The following EPB41L4A variants were observed in gnomAD, a reference collection of about 807,000 sequenced individuals.
EPB41L4A encodes band 4.1-like protein 4A.
EPB41L4A carries 100 observed loss-of-function variants against 108.6 expected under a neutral mutation model. The observed-to-expected ratio is 0.92, with a 90% CI of 0.78 to 1.09. The LOEUF (loss-of-function observed/expected upper bound fraction) is 1.09, where lower values mean the gene tolerates loss of function less well. Among genes scored for constraint, EPB41L4A ranks in the 50% least tolerant of loss-of-function variants. The pLI, the probability that EPB41L4A is intolerant of heterozygous loss-of-function variation, is 0.00. For synonymous variants in EPB41L4A, 319 were observed against 289.0 expected (o/e 1.10, Z -1.05); for missense variants, 1,030 against 842.7 (o/e 1.22, Z -2.75).
intron 1 of EPB41L4A, among the ~76,000 whole-genome samples, chr5:112,315,533 G>C (rs904049988): frequency 2.0e-5 from 3 of 152,122 alleles, no homozygotes; most frequent in African/African-American, 4.8e-5. Context: ...TAAAGAAAAA[G>C]CTGACCAGAT....
intron 13 of EPB41L4A, among the ~76,000 whole-genome samples, chr5:112,208,808 A>G (rs1357950845): frequency 6.6e-6 from 1 of 152,190 alleles, no homozygotes; most frequent in Non-Finnish European, 1.5e-5. Context: ...AATCTCATGG[A>G]AGATTCCTGT....
chr5:112,296,105 TC>T (rs2150550240), intron 2 of EPB41L4A, among the ~76,000 whole-genome samples: 1 of 152,280 alleles, frequency 6.6e-6, no homozygotes, highest in African/African-American at 2.4e-5. Flanking sequence ...TTGGAGACTT[TC>T]CATAAGCCAA....
At chr5:112,406,147 T>A (rs1186807452) in intron 1 of EPB41L4A, among the ~76,000 whole-genome samples, 1 of 152,176 alleles carries the variant, frequency 6.6e-6, no homozygotes, top group Non-Finnish European at 1.5e-5. Flanking sequence ...TTGCACATCC[T>A]CCAAGCGCCC....
At chr5:112,277,816 T>C (rs1376983507) in intron 3 of EPB41L4A, among the ~76,000 whole-genome samples, 1 of 152,210 alleles carries the variant, frequency 6.6e-6, no homozygotes, top group African/African-American at 2.4e-5. Context: ...GGCTCCCTAT[T>C]CTAAGACTGA....
chr5:112,172,923 G>C (rs779682503), intron 18 of EPB41L4A, among the ~76,000 whole-genome samples: 32 of 152,304 alleles, frequency 2.1e-4, no homozygotes, highest in Non-Finnish European at 4.0e-4. Flanking sequence ...GCTGCAGGAG[G>C]CTGTCCTGTG....
chr5:112,404,409 G>T (rs1761961394), intron 1 of EPB41L4A, among the ~76,000 whole-genome samples: 1 of 152,130 alleles, frequency 6.6e-6, no homozygotes, highest in Admixed American at 6.5e-5. Context: ...ACAAGATAAT[G>T]ATTTTTAAAA....
At chr5:112,290,563 C>T (rs1224834863) in intron 2 of EPB41L4A, among the ~76,000 whole-genome samples, 1 of 152,142 alleles carries the variant, frequency 6.6e-6, no homozygotes, top group South Asian at 2.1e-4. Flanking sequence ...AACCTTAGAT[C>T]TCTGGAAAGT....
intron 1 of EPB41L4A, among the ~76,000 whole-genome samples, chr5:112,350,368 T>C (rs1427530558): frequency 1.3e-5 from 2 of 152,216 alleles, no homozygotes; most frequent in Non-Finnish European, 1.5e-5. Flanking sequence ...ATAATAGCTG[T>C]ACACATGTAT....
intron 12 of EPB41L4A, chr5:112,228,782 G>T: frequency 1.0e-6 from 1 of 982,036 alleles, no homozygotes; most frequent in Non-Finnish European, 1.2e-6. Flanking sequence ...CCCTTTTCTG[G>T]CTTTACCCAA....
chr5:112,184,193 T>C, intron 17 of EPB41L4A, 58 bp from the exon 18 acceptor site: 1 of 1,594,218 alleles, frequency 6.3e-7, no homozygotes, highest in Non-Finnish European at 8.5e-7. Flanking sequence ...CGTTTTAGGT[T>C]CATCCTAAAC....
chr5:112,207,229 G>T (rs573557100), intron 13 of EPB41L4A, among the ~76,000 whole-genome samples: 1 of 152,188 alleles, frequency 6.6e-6, no homozygotes, highest in South Asian at 2.1e-4. Context: ...GTCATATGCA[G>T]AAGAGTGAAA....
chr5:112,408,609 A>G (rs1762222254), intron 1 of EPB41L4A, among the ~76,000 whole-genome samples: 1 of 143,496 alleles, frequency 7.0e-6, no homozygotes, highest in Admixed American at 7.5e-5. Flanking sequence ...CCATAATCCC[A>G]CTTTGGGAGA....
At chr5:112,390,728 C>T (rs907689117) in intron 1 of EPB41L4A, among the ~76,000 whole-genome samples, 3 of 152,160 alleles carry the variant, frequency 2.0e-5, no homozygotes, top group African/African-American at 7.2e-5. Flanking sequence ...GCTCTGAGAA[C>T]GGACAGACTG....
At chr5:112,249,459 CTTTTGAAAAA>C (rs1323006409) in intron 9 of EPB41L4A, 2 of 152,268 alleles carry the variant, frequency 1.3e-5, no homozygotes, top group East Asian at 3.9e-4. Flanking sequence ...AATTGTAAGT[CTTTTGAAAAA>C]TTTTATCTTT....
At chr5:112,262,041 G>A (rs1054577775) in intron 7 of EPB41L4A, among the ~76,000 whole-genome samples, 4 of 151,838 alleles carry the variant, frequency 2.6e-5, no homozygotes, top group Admixed American at 2.0e-4. Context: ...ACAGGCGCCC[G>A]CCACCACGTC....
At chr5:112,328,353 A>G (rs1211559547) in intron 1 of EPB41L4A, among the ~76,000 whole-genome samples, 1 of 148,754 alleles carries the variant, frequency 6.7e-6, no homozygotes, top group African/African-American at 2.6e-5. Flanking sequence ...GAGAAGTTAA[A>G]ATAATTCTAG....
chr5:112,323,860 A>C (rs1755968587), intron 1 of EPB41L4A, among the ~76,000 whole-genome samples: 1 of 152,230 alleles, frequency 6.6e-6, no homozygotes, highest in African/African-American at 2.4e-5. Flanking sequence ...TTATAGAGGA[A>C]AAAGAACCAG....
intron 15 of EPB41L4A, among the ~76,000 whole-genome samples, chr5:112,199,746 T>C (rs376605377): frequency 1.3e-5 from 2 of 152,192 alleles, no homozygotes; most frequent in Non-Finnish European, 2.9e-5. Context: ...TGAACAAGCC[T>C]GGGTTTCATT....
At chr5:112,155,955 T>C (rs1286237544) in intron 12 of EPB41L4A, among the ~76,000 whole-genome samples, 1 of 152,104 alleles carries the variant, frequency 6.6e-6, no homozygotes, top group Non-Finnish European at 1.5e-5. Flanking sequence ...ATATCAAATT[T>C]TTAAAACAGT....
Sources: gnomAD v4.1 joint callset for allele counts (sites outside exome capture counted in the v4.1 genomes callset) on GRCh38, gnomAD v4.1.1 for gene constraint, MANE v1.5 for transcripts, NCBI Gene and HGNC (gene_info 2026-07-23, HGNC 2026-07-21) for gene names.